Variants in SLC14A2 observed in about 807,000 individuals in gnomAD.
SLC14A2 encodes solute carrier family 14 member 2, also known as urea transporter 2.
In SLC14A2, 91 loss-of-function variants were observed where a neutral mutation model predicts 104.6. That is an observed-to-expected ratio of 0.87 (90% CI 0.73 to 1.04). The LOEUF (loss-of-function observed/expected upper bound fraction) is 1.04, where lower values mean the gene tolerates loss of function less well. SLC14A2 is among the 50% of genes least tolerant of loss of function. The pLI, the probability that SLC14A2 is intolerant of heterozygous loss-of-function variation, is 0.00. For synonymous variants in SLC14A2, 476 were observed against 466.4 expected (o/e 1.02, Z -0.27); for missense variants, 1,189 against 1,156.0 (o/e 1.03, Z -0.41).
chr18:45,580,719 C>G (rs942466810), intron 2 of SLC14A2, among the ~76,000 whole-genome samples: 1 of 152,014 alleles, frequency 6.6e-6, no homozygotes, highest in African/African-American at 2.4e-5. Flanking sequence ...AATGGAGGCA[C>G]AGGGAGGTCA....
At chr18:45,536,690 T>C (rs1444507760) in intron 2 of SLC14A2, among the ~76,000 whole-genome samples, 1 of 152,076 alleles carries the variant, frequency 6.6e-6, no homozygotes, top group Non-Finnish European at 1.5e-5. Context: ...GACTTAAACA[T>C]ATCTTTTGGG....
At chr18:45,571,376 A>C (rs1055390858) in intron 2 of SLC14A2, among the ~76,000 whole-genome samples, 3 of 152,238 alleles carry the variant, frequency 2.0e-5, no homozygotes, top group African/African-American at 7.2e-5. Context: ...AAAGCTGTCC[A>C]CATCCAGGCT....
intron 2 of SLC14A2, among the ~76,000 whole-genome samples, chr18:45,512,451 G>A (rs1351667950): frequency 6.6e-6 from 1 of 152,170 alleles, no homozygotes; most frequent in Non-Finnish European, 1.5e-5. Context: ...ATTCGTTGGA[G>A]TACAGTTTAA....
chr18:45,441,260 CTCTT>C (rs1277375734), intron 1 of SLC14A2, among the ~76,000 whole-genome samples: 1 of 152,132 alleles, frequency 6.6e-6, no homozygotes, highest in African/African-American at 2.4e-5. Context: ...TAAGAAATGG[CTCTT>C]TCAAGCAGAG....
intron 1 of SLC14A2, among the ~76,000 whole-genome samples, chr18:45,293,860 T>G (rs1054887209): frequency 3.3e-5 from 5 of 152,222 alleles, no homozygotes; most frequent in Non-Finnish European, 7.3e-5. Flanking sequence ...GGCCAAAGTA[T>G]GCCATGTTTC....
intron 18 of SLC14A2, 81 bp from the exon 19 acceptor site, chr18:45,678,894 G>A (rs2046268275): frequency 1.6e-6 from 2 of 1,272,618 alleles, no homozygotes; most frequent in African/African-American, 1.5e-5. Flanking sequence ...AAAATTGATG[G>A]GAAGAGAATA....
At position 45,250,754 on chromosome 18, in the gene SLC14A2, C is replaced by A. The variant is rs571584745; in HGVS notation, c.-125+37563C>A. ...TGAATCCTCTGGCTAGTGGCTTCTT[C>A]CTTTTTTTTTTTTTTTTTTTTTGGC... On this transcript the variant is annotated intron_variant, in intron 1 of 20. Transcript: ENST00000586448. Among the ~76,000 whole-genome samples the A allele has an allele frequency of 5.8e-3, 517 of 88,492 alleles. 2 individuals are homozygous for A. Among genetic ancestry groups the A allele is most frequent in the African/African-American group, 9.9e-3 (205 of 20,638 alleles). 58.1% of individuals were successfully genotyped at this position (88,492 alleles called of 152,430 possible).
intron 2 of SLC14A2, among the ~76,000 whole-genome samples, chr18:45,516,480 C>A (rs1002260067): frequency 2.6e-5 from 4 of 152,192 alleles, no homozygotes; most frequent in African/African-American, 7.2e-5. Context: ...AGTGCTGCCC[C>A]AGGGACGAGA....
At chr18:45,496,849 G>A (rs565345571) in intron 2 of SLC14A2, among the ~76,000 whole-genome samples, 4 of 152,270 alleles carry the variant, frequency 2.6e-5, no homozygotes, top group African/African-American at 9.6e-5. Flanking sequence ...CTCCCATGCT[G>A]GAGACTTCTT....
intron 2 of SLC14A2, among the ~76,000 whole-genome samples, chr18:45,543,056 C>T (rs966506417): frequency 3.9e-5 from 6 of 151,972 alleles, no homozygotes; most frequent in Admixed American, 3.9e-4. Flanking sequence ...TAAAGTGATC[C>T]TCCTGCCTCA....
chr18:45,425,308 A>C (rs948771015), intron 1 of SLC14A2, among the ~76,000 whole-genome samples: 9 of 152,232 alleles, frequency 5.9e-5, no homozygotes, highest in Non-Finnish European at 1.3e-4. Flanking sequence ...TGTTAATTCT[A>C]CATGGCATGG....
At chr18:45,176,713 T>A in the SLC14A2 span, among the ~76,000 whole-genome samples, 2 of 152,212 alleles carry the variant, frequency 1.3e-5, no homozygotes, top group Non-Finnish European at 2.9e-5. Flanking sequence ...CTCTGCATTG[T>A]GGACTTTTCT....
intron 1 of SLC14A2, among the ~76,000 whole-genome samples, chr18:45,337,036 A>G (rs1186426851): frequency 6.6e-6 from 1 of 152,022 alleles, no homozygotes; most frequent in Non-Finnish European, 1.5e-5. Context: ...ATTTAGAAAA[A>G]AAAAACCCCT....
intron 1 of SLC14A2, among the ~76,000 whole-genome samples, chr18:45,394,012 A>C (rs1202055640): frequency 1.3e-5 from 2 of 152,222 alleles, no homozygotes; most frequent in Non-Finnish European, 2.9e-5. Flanking sequence ...TCTGTCCTTC[A>C]GATGGTCTGA....
At chr18:45,346,413 TC>T (rs2085448689) in intron 1 of SLC14A2, among the ~76,000 whole-genome samples, 1 of 152,164 alleles carries the variant, frequency 6.6e-6, no homozygotes, top group Non-Finnish European at 1.5e-5. Context: ...CGCCTCGGCC[TC>T]CCAAAGTGCT....
intron 1 of SLC14A2, among the ~76,000 whole-genome samples, chr18:45,299,394 G>GGGGTGCACACACACATGTGC (rs2084946220): frequency 6.6e-6 from 1 of 152,140 alleles, no homozygotes; most frequent in African/African-American, 2.4e-5. Flanking sequence ...GGAAAAGCCA[G>GGGGTGCACACACACATGTGC]GGGTGCACAC....
At chr18:45,592,443 TAGCTTCCACACAACCCTA>T (rs1169365882) in intron 2 of SLC14A2, among the ~76,000 whole-genome samples, 4 of 152,098 alleles carry the variant, frequency 2.6e-5, no homozygotes. Context: ...CATAAAAACA[TAGCTTCCACACAACCCTA>T]AGCGCCCCAT....
intron 2 of SLC14A2, among the ~76,000 whole-genome samples, chr18:45,537,929 G>A (rs560882694): frequency 6.6e-6 from 1 of 152,346 alleles, no homozygotes; most frequent in South Asian, 2.1e-4. Flanking sequence ...AAATAAAAAT[G>A]TGGTGCCATC....
chr18:45,300,608 A>ACTTT (rs1395584608), intron 1 of SLC14A2, among the ~76,000 whole-genome samples: 1 of 152,168 alleles, frequency 6.6e-6, no homozygotes, highest in East Asian at 1.9e-4. Context: ...TTTAAAAAGC[A>ACTTT]CTTTTTTTTC....
Sources: allele counts gnomAD v4.1 joint callset (sites outside exome capture counted in the v4.1 genomes callset), GRCh38; gene constraint gnomAD v4.1.1; transcripts MANE v1.5; gene names NCBI Gene and HGNC (gene_info 2026-07-23, HGNC 2026-07-21).